CCDC88C: variants seen among roughly 807,000 people sequenced by gnomAD.
CCDC88C encodes protein Daple.
In CCDC88C, 131 loss-of-function variants were observed where a neutral mutation model predicts 198.8. The ratio of observed to expected loss-of-function variants is 0.66; its 90% CI spans 0.57 to 0.76. The LOEUF is 0.76. Among genes scored for constraint, CCDC88C ranks in the 30% least tolerant of loss-of-function variants. CCDC88C has a pLI of 0.00. For synonymous variants in CCDC88C, 1,166 were observed against 1,114.7 expected (o/e 1.05, Z -0.92); for missense variants, 2,553 against 2,631.6 (o/e 0.97, Z 0.65).
intron 4 of CCDC88C, among the ~76,000 whole-genome samples, chr14:91,350,240 A>C (rs574923804): frequency 5.9e-5 from 9 of 151,796 alleles, no homozygotes; most frequent in Admixed American, 3.3e-4. Flanking sequence ...GGCTCACTGC[A>C]AACTCCGCCT....
rs976243480 is a variant in CCDC88C, at chr14:91,352,658, T to A, written c.340+6984A>T. Among the ~76,000 whole-genome samples, 1 of 152,106 alleles carries A rather than the reference T, an allele frequency of 6.6e-6. No homozygotes were observed. Among genetic ancestry groups the A allele is most frequent in the Non-Finnish European group, 1.5e-5 (1 of 68,010 alleles). On this transcript the variant is annotated intron_variant, in intron 4 of 29. Coordinates refer to ENST00000389857, the MANE Select transcript of CCDC88C (RefSeq NM_001080414.4). This position sits in a 1 kb window ranked among gnomAD's most constrained non-coding sequence, Gnocchi z 4.2. ...TTATATATATATACACACACACATA[T>A]ACACTTATACACAGGATTAGAGAAT...
chr14:91,289,352 AAGT>A lies in CCDC88C; in HGVS notation c.4203-12_4203-10del. 1 of 1,612,344 alleles carries A rather than the reference AAGT, an allele frequency of 6.2e-7. No individual in the cohort carries two copies. The highest frequency in any genetic ancestry group is 8.5e-7 in the Non-Finnish European group (1 of 1,178,446). On this transcript the variant is annotated splice_polypyrimidine_tract_variant and intron_variant, in intron 24 of 29. Coordinates refer to ENST00000389857, the MANE Select transcript of CCDC88C (RefSeq NM_001080414.4). ...CAATCCAGTGGTTCTTCCTGGTTAG[AAGT>A]AGATGTTTAGGACATAGCCAGCCCT...
At chr14:91,321,666 T>C (rs1841797417) in intron 12 of CCDC88C, among the ~76,000 whole-genome samples, 1 of 152,140 alleles carries the variant, frequency 6.6e-6, no homozygotes, top group Non-Finnish European at 1.5e-5. Flanking sequence ...ACAGGTGACA[T>C]TTTCCATACC....
At chr14:91,391,200 T>G (rs2139978365) in intron 3 of CCDC88C, among the ~76,000 whole-genome samples, 1 of 152,224 alleles carries the variant, frequency 6.6e-6, no homozygotes, top group East Asian at 1.9e-4. Flanking sequence ...CACAGTTCTT[T>G]TAGTTTACCA....
intron 16 of CCDC88C, 56 bp downstream of exon 16, chr14:91,309,803 G>C: frequency 2.6e-6 from 4 of 1,563,308 alleles, no homozygotes; most frequent in Non-Finnish European, 3.5e-6. Context: ...GGAGCCTGCA[G>C]ACTGAACAGT....
intron 2 of CCDC88C, among the ~76,000 whole-genome samples, chr14:91,411,451 A>G (rs553935603): frequency 6.6e-6 from 1 of 152,330 alleles, no homozygotes; most frequent in South Asian, 2.1e-4. Flanking sequence ...ATGTTATTAT[A>G]ACCGCTAAAC....
At chr14:91,277,813 T>C (rs1890026446) in intron 29 of CCDC88C, 109 bp downstream of exon 29, 1 of 1,284,856 alleles carries the variant, frequency 7.8e-7, no homozygotes, top group Non-Finnish European at 1.0e-6. Flanking sequence ...GCCAGTCCTG[T>C]GCCTAGGCCA....
chr14:91,343,382 G>A (rs1482196354), intron 5 of CCDC88C, among the ~76,000 whole-genome samples: 2 of 152,186 alleles, frequency 1.3e-5, no homozygotes, highest in East Asian at 1.9e-4. Flanking sequence ...CTGGCCTGAG[G>A]GATCCCCATC....
rs117376683 is a variant in CCDC88C at position 91,399,253 on chromosome 14, A to G, written c.270+9406T>C. ...GATCCACCTGACCGACACCAGTGAC[A>G]CCAAGCTGGCTTGCTCCCCACTAAG... On this transcript the variant is annotated intron_variant, in intron 3 of 29. Coordinates refer to ENST00000389857, the MANE Select transcript of CCDC88C (RefSeq NM_001080414.4). Among the ~76,000 whole-genome samples, 1,203 of 152,186 alleles carry G rather than the reference A, an allele frequency of 7.9e-3. 5 individuals are homozygous for G. The highest frequency in any genetic ancestry group is 0.014 in the Non-Finnish European group (924 of 67,986).
Position 91,325,864 on chromosome 14 carries a change from C to T in CCDC88C, c.1197+46G>A, listed in dbSNP as rs548205774. 2.2e-4 allele frequency: 341 copies of T among 1,532,290 alleles called. 2 individuals are homozygous for T. In the East Asian group the frequency reaches 6.8e-3, roughly 31 times the overall value. 94.9% of individuals were successfully genotyped at this position (1,532,290 alleles called of 1,614,324 possible). On this transcript the variant is annotated intron_variant, in intron 11 of 29. Coordinates refer to ENST00000389857, the MANE Select transcript of CCDC88C (RefSeq NM_001080414.4). The surrounding 1 kb of genome is among the most constrained non-coding windows in gnomAD (Gnocchi z 4.1). ...GATTACAGGCATGAGCCACTGTGCC[C>T]GAGCCCAATCTGTTTTCAATGTAGT...
At chr14:91,360,597 C>A (rs1894266972) in intron 3 of CCDC88C, among the ~76,000 whole-genome samples, 1 of 152,178 alleles carries the variant, frequency 6.6e-6, no homozygotes, top group South Asian at 2.1e-4. Flanking sequence ...GCTTCCTAAG[C>A]GAGGGATACA....
chr14:91,308,859 G>A (rs1891674358), intron 16 of CCDC88C, among the ~76,000 whole-genome samples: 1 of 152,180 alleles, frequency 6.6e-6, no homozygotes, highest in Admixed American at 6.5e-5. Context: ...CCACCAGAGA[G>A]GACTCCTACT....
At chr14:91,341,283 G>A (rs1474412952) in intron 6 of CCDC88C, among the ~76,000 whole-genome samples, 6 of 152,200 alleles carry the variant, frequency 3.9e-5, no homozygotes, top group African/African-American at 1.2e-4. Flanking sequence ...CCTCTGTAAA[G>A]GGTGGTGTGG....
chr14:91,326,796 A>G (rs1308407037), intron 10 of CCDC88C, among the ~76,000 whole-genome samples: 1 of 152,230 alleles, frequency 6.6e-6, no homozygotes, highest in Non-Finnish European at 1.5e-5. Flanking sequence ...ACTTTCATTC[A>G]ATACACTGCT....
At chr14:91,335,337 G>A (rs1893005608) in intron 10 of CCDC88C, among the ~76,000 whole-genome samples, 2 of 152,088 alleles carry the variant, frequency 1.3e-5, no homozygotes, top group South Asian at 4.1e-4. Context: ...CCATGGCTGG[G>A]CCCTGAGAGC....
At chr14:91,417,471 TC>T in intron 1 of CCDC88C, 159 bp downstream of exon 1, 2 of 594,260 alleles carry the variant, frequency 3.4e-6, no homozygotes, top group Non-Finnish European at 5.8e-6. Flanking sequence ...AGCTCCGGAC[TC>T]CAGGACGCGG....
intron 12 of CCDC88C, 69 bp from the exon 13 acceptor site, chr14:91,321,373 C>T (rs1336945241): frequency 7.4e-6 from 11 of 1,490,908 alleles, no homozygotes; most frequent in Middle Eastern, 1.9e-4. Flanking sequence ...CCCCAAGCTC[C>T]GAGATGGTCA....
chr14:91,357,041 C>T (rs1894063984), intron 4 of CCDC88C, among the ~76,000 whole-genome samples: 1 of 152,194 alleles, frequency 6.6e-6, no homozygotes, highest in Admixed American at 6.5e-5. Flanking sequence ...CAATTGCCTA[C>T]AGTTAAACCT....
rs1196967316 is a variant in CCDC88C, at chr14:91,306,440, C to T, written c.3196-514G>A. 2.0e-5 allele frequency among the ~76,000 whole-genome samples: 3 copies of T among 152,254 alleles called. No homozygotes were observed. The East Asian group carries it at 5.8e-4, about 29-fold the overall frequency. ...AAGGGCCAGGACCTGTAGTCTTTTACTATCCCTTATTAGCATGGGGCTTTG... is the reference window on the plus strand; with the variant it reads ...AAGGGCCAGGACCTGTAGTCTTTTATTATCCCTTATTAGCATGGGGCTTTG... On this transcript the variant is annotated intron_variant, in intron 18 of 29. Coordinates refer to ENST00000389857, the MANE Select transcript of CCDC88C (RefSeq NM_001080414.4).
Sources: allele counts gnomAD v4.1 joint callset (sites outside exome capture counted in the v4.1 genomes callset), GRCh38; gene constraint gnomAD v4.1.1; non-coding constraint Gnocchi (gnomAD v3.1); transcripts MANE v1.5; gene names NCBI Gene and HGNC (gene_info 2026-07-23, HGNC 2026-07-21).